Variants in KCNIP1 observed in about 807,000 individuals in gnomAD.
The protein encoded by KCNIP1 is A-type potassium channel modulatory protein KCNIP1.
Under a neutral mutation model 33.0 loss-of-function variants are expected in KCNIP1, and 18 were observed. The ratio of observed to expected loss-of-function variants is 0.55; its 90% CI spans 0.38 to 0.81. The LOEUF is 0.81. Among genes scored for constraint, KCNIP1 ranks in the 30% least tolerant of loss-of-function variants. The pLI is 0.00. For missense variants in KCNIP1, 238 were observed against 271.6 expected (o/e 0.88, Z 0.87); for synonymous variants, 93 against 98.3 (o/e 0.95, Z 0.32).
At chr5:170,733,390 G>A (rs1394853518) in intron 6 of KCNIP1, among the ~76,000 whole-genome samples, 1 of 152,164 alleles carries the variant, frequency 6.6e-6, no homozygotes, top group Non-Finnish European at 1.5e-5. Context: ...ATCTAGCGGT[G>A]GAGTATCAGA....
chr5:170,519,342 C>A (rs180782751), intron 1 of KCNIP1, among the ~76,000 whole-genome samples: 1 of 152,064 alleles, frequency 6.6e-6, no homozygotes, highest in African/African-American at 2.4e-5. Context: ...GTGGTGCCAG[C>A]GGGGTTGTTG....
At chr5:170,652,461 G>C (rs1370916973) in intron 1 of KCNIP1, among the ~76,000 whole-genome samples, 1 of 144,602 alleles carries the variant, frequency 6.9e-6, no homozygotes, top group Non-Finnish European at 1.5e-5. Context: ...CTCCAGCCTG[G>C]GCAACAGATT....
At chr5:170,491,436 C>T (rs542806214) in intron 1 of KCNIP1, among the ~76,000 whole-genome samples, 96 of 152,248 alleles carry the variant, frequency 6.3e-4, no homozygotes, top group African/African-American at 1.9e-3. Flanking sequence ...CTACTCTCCC[C>T]GCCCACATCT....
At chr5:170,508,485 T>C (rs922529811) in intron 1 of KCNIP1, among the ~76,000 whole-genome samples, 2 of 152,138 alleles carry the variant, frequency 1.3e-5, no homozygotes, top group Non-Finnish European at 2.9e-5. Context: ...CCTAAAGATA[T>C]GGGAGAGTGA....
chr5:170,619,307 A>G lies in KCNIP1; in HGVS notation c.62-99451A>G, dbSNP rs917958367. 2.6e-5 allele frequency among the ~76,000 whole-genome samples: 4 copies of G among 152,284 alleles called. 1 individual carries two copies. The highest frequency in any genetic ancestry group is 2.1e-4 in the South Asian group (1 of 4,822). The stretch of plus-strand genomic sequence containing the variant: ...CCAAGTTCACAGCCTGTCTCTGGTC[A>G]TCAGGTATCATGACCTTGGGCAAGA... On this transcript the variant is annotated intron_variant, in intron 1 of 7. Transcript: ENST00000328939.
chr5:170,568,990 G>A (rs535312372), intron 1 of KCNIP1, among the ~76,000 whole-genome samples: 2 of 152,044 alleles, frequency 1.3e-5, no homozygotes, highest in East Asian at 3.9e-4. Context: ...CTGCTGGATC[G>A]GGATAGCTTT....
intron 1 of KCNIP1, among the ~76,000 whole-genome samples, chr5:170,647,272 G>A (rs571467636): frequency 6.5e-4 from 99 of 152,214 alleles, no homozygotes; most frequent in African/African-American, 2.4e-3. Context: ...TATCAACAAA[G>A]TGATTTTAAA....
chr5:170,678,674 T>C (rs548979607), intron 1 of KCNIP1: 1 of 152,344 alleles, frequency 6.6e-6, no homozygotes, highest in Admixed American at 6.5e-5. Context: ...GAATGTTTTG[T>C]GTGCAGTACA....
chr5:170,536,409 G>A (rs9313508), intron 1 of KCNIP1, among the ~76,000 whole-genome samples: 36,448 of 152,070 alleles, frequency 0.24, 5,996 homozygotes, highest in African/African-American at 0.47. Flanking sequence ...TTTGGAAAAC[G>A]GGCAGAACCT....
At chr5:170,581,036 A>G (rs1201876648) in intron 1 of KCNIP1, among the ~76,000 whole-genome samples, 1 of 152,190 alleles carries the variant, frequency 6.6e-6, no homozygotes, top group Non-Finnish European at 1.5e-5. Flanking sequence ...TGTAACGCAC[A>G]GGAGTCCATC....
intron 1 of KCNIP1, among the ~76,000 whole-genome samples, chr5:170,432,832 T>G (rs1755774425): frequency 1.3e-5 from 2 of 152,250 alleles, no homozygotes; most frequent in South Asian, 4.2e-4. Flanking sequence ...CTAGTGAGGG[T>G]GACAGATAGT....
chr5:170,399,969 T>C (rs537963726), intron 1 of KCNIP1, among the ~76,000 whole-genome samples: 1 of 152,352 alleles, frequency 6.6e-6, no homozygotes, highest in South Asian at 2.1e-4. Flanking sequence ...TCTCTTTTTC[T>C]GGAAGCATAG....
At chr5:170,691,386 G>A (rs914247910) in intron 1 of KCNIP1, among the ~76,000 whole-genome samples, 13 of 152,326 alleles carry the variant, frequency 8.5e-5, no homozygotes, top group Middle Eastern at 3.4e-3. Flanking sequence ...TGAAGAGCAT[G>A]GAAACGATCT....
At chr5:170,665,945 A>G (rs1246482626) in intron 1 of KCNIP1, among the ~76,000 whole-genome samples, 1 of 152,196 alleles carries the variant, frequency 6.6e-6, no homozygotes, top group Non-Finnish European at 1.5e-5. Flanking sequence ...AACACGACCT[A>G]TCACTGCTGA....
chr5:170,633,942 C>T (rs1420070635), intron 1 of KCNIP1, among the ~76,000 whole-genome samples: 1 of 152,108 alleles, frequency 6.6e-6, no homozygotes, highest in Non-Finnish European at 1.5e-5. Flanking sequence ...GTGAAAAGCG[C>T]CCAAGAGGCT....
intron 1 of KCNIP1, among the ~76,000 whole-genome samples, chr5:170,626,378 C>T (rs996613650): frequency 2.0e-5 from 3 of 152,254 alleles, no homozygotes; most frequent in South Asian, 2.1e-4. Flanking sequence ...GCTTTTCTAA[C>T]GAGAGTGTGC....
chr5:170,537,380 T>C (rs1011271468), intron 1 of KCNIP1, among the ~76,000 whole-genome samples: 2 of 152,228 alleles, frequency 1.3e-5, no homozygotes, highest in Non-Finnish European at 2.9e-5. Flanking sequence ...GTTAAGGGCA[T>C]GGACTTGGGA....
chr5:170,594,253 C>G (rs1758366078), intron 1 of KCNIP1, among the ~76,000 whole-genome samples: 1 of 152,182 alleles, frequency 6.6e-6, no homozygotes, highest in African/African-American at 2.4e-5. Flanking sequence ...CCTGATAAAT[C>G]ACATCTGCTG....
At chr5:170,499,114 G>T (rs1450453318), upstream of KCNIP1, among the ~76,000 whole-genome samples, 1 of 152,108 alleles carries the variant, frequency 6.6e-6, no homozygotes, top group Non-Finnish European at 1.5e-5. Flanking sequence ...CAGAACATTT[G>T]GGAAATGGTA....
Sources: gnomAD v4.1 joint callset for allele counts (sites outside exome capture counted in the v4.1 genomes callset) on GRCh38, gnomAD v4.1.1 for gene constraint, MANE v1.5 for transcripts, NCBI Gene and HGNC (gene_info 2026-07-23, HGNC 2026-07-21) for gene names.